The following IQCM variants were observed in gnomAD, a reference collection of about 807,000 sequenced individuals.
The protein encoded by IQCM is IQ motif containing M, also known as IQ domain-containing protein M.
A neutral mutation model predicts 57.6 loss-of-function variants in IQCM; 45 were observed. That is an observed-to-expected ratio of 0.78 (90% CI 0.62 to 1.00). IQCM has a LOEUF of 1.00. Among genes scored for constraint, IQCM ranks in the 50% least tolerant of loss-of-function variants. The pLI is 0.00. For missense variants in IQCM, 468 were observed against 511.6 expected, an observed-to-expected ratio of 0.91 and a Z score of 0.82; for synonymous variants, 148 against 158.9, an observed-to-expected ratio of 0.93 and a Z score of 0.51.
At position 149,786,311 on chromosome 4, in the gene IQCM, C is replaced by A. The variant is rs76155058; in HGVS notation, c.-49+29000G>T. The stretch of plus-strand genomic sequence containing the variant: ...AGGAGACCTGGTAATCTGGAGAGAT[C>A]AGGAAGCAGAATATCAGAGTGGAGA... On this transcript the variant is annotated intron_variant, in intron 2 of 13. Coordinates refer to ENST00000636793, the MANE Select transcript of IQCM (RefSeq NM_001363507.2). Among the ~76,000 whole-genome samples, 1,097 of 152,176 alleles carry A rather than the reference C, an allele frequency of 7.2e-3. 9 individuals are homozygous for A. The highest frequency in any genetic ancestry group is 0.025 in the African/African-American group (1,030 of 41,528).
chr4:149,416,072 G>A (rs1476829880), intron 13 of IQCM, among the ~76,000 whole-genome samples: 1 of 152,028 alleles, frequency 6.6e-6, no homozygotes, highest in Non-Finnish European at 1.5e-5. Flanking sequence ...CCTGTTAGTA[G>A]AGTTAATTTA....
At chr4:149,517,946 C>A (rs1389801951) in intron 12 of IQCM, among the ~76,000 whole-genome samples, 1 of 152,144 alleles carries the variant, frequency 6.6e-6, no homozygotes, top group East Asian at 1.9e-4. Context: ...ACTTAATAAA[C>A]TCCACTTTAT....
At chr4:149,602,979 T>C (rs1476039213) in intron 8 of IQCM, among the ~76,000 whole-genome samples, 1 of 152,062 alleles carries the variant, frequency 6.6e-6, no homozygotes, top group Non-Finnish European at 1.5e-5. Context: ...TGCAAGGAAT[T>C]TATTGTAAAA....
At chr4:149,768,535 T>C (rs946353525) in intron 2 of IQCM, among the ~76,000 whole-genome samples, 3 of 152,120 alleles carry the variant, frequency 2.0e-5, no homozygotes, top group Admixed American at 2.0e-4. Flanking sequence ...AAAGTTAAAA[T>C]AAAATCTTAC....
intron 12 of IQCM, among the ~76,000 whole-genome samples, chr4:149,534,132 T>C: frequency 6.6e-6 from 1 of 152,142 alleles, no homozygotes; most frequent in East Asian, 1.9e-4. Flanking sequence ...TTAACTTTCT[T>C]AGAATCAACT....
At chr4:149,655,313 T>A (rs960808450) in intron 7 of IQCM, among the ~76,000 whole-genome samples, 1 of 152,100 alleles carries the variant, frequency 6.6e-6, no homozygotes, top group South Asian at 2.1e-4. Context: ...ATTTCAGACA[T>A]AAAAATTCTT....
At chr4:149,454,239 CAT>C (rs981735760) in intron 12 of IQCM, among the ~76,000 whole-genome samples, 11 of 148,542 alleles carry the variant, frequency 7.4e-5, no homozygotes, top group African/African-American at 2.7e-4. Flanking sequence ...GGTGTATATA[CAT>C]ATATATATAT....
intron 2 of IQCM, among the ~76,000 whole-genome samples, chr4:149,777,363 T>C (rs913708128): frequency 2.0e-5 from 3 of 152,234 alleles, no homozygotes; most frequent in African/African-American, 7.2e-5. Flanking sequence ...TATGTGTTTT[T>C]AGAACACCGT....
intron 9 of IQCM, among the ~76,000 whole-genome samples, chr4:149,580,633 G>T (rs1752093265): frequency 6.6e-6 from 1 of 151,778 alleles, no homozygotes; most frequent in African/African-American, 2.4e-5. Flanking sequence ...TAGGCTGATT[G>T]GGTGGTCTTG....
intron 2 of IQCM, chr4:149,780,338 T>C (rs971724200): frequency 2.6e-5 from 4 of 151,966 alleles, no homozygotes; most frequent in Non-Finnish European, 5.9e-5. Context: ...AAAACAAAAG[T>C]TCACAGTAGG....
intron 7 of IQCM, among the ~76,000 whole-genome samples, chr4:149,640,585 T>A (rs1182409154): frequency 6.6e-6 from 1 of 152,186 alleles, no homozygotes; most frequent in Non-Finnish European, 1.5e-5. Context: ...TTTAAAACTG[T>A]CTTCCTTCTG....
intron 2 of IQCM, among the ~76,000 whole-genome samples, chr4:149,785,186 A>T (rs1771965116): frequency 1.3e-5 from 2 of 152,222 alleles, no homozygotes; most frequent in South Asian, 4.1e-4. Context: ...ATACCTGTTC[A>T]TAGCAACTGC....
intron 8 of IQCM, among the ~76,000 whole-genome samples, chr4:149,611,016 A>G (rs1401302109): frequency 6.6e-6 from 1 of 152,142 alleles, no homozygotes; most frequent in Non-Finnish European, 1.5e-5. Context: ...ACTCAATAGG[A>G]AAAGATAAAT....
chr4:149,775,284 A>G (rs1770984123), intron 2 of IQCM, among the ~76,000 whole-genome samples: 1 of 152,096 alleles, frequency 6.6e-6, no homozygotes, highest in African/African-American at 2.4e-5. Flanking sequence ...GTCTCACAAT[A>G]TGACCCAGAA....
At chr4:149,466,953 A>C (rs1738918538) in intron 12 of IQCM, among the ~76,000 whole-genome samples, 1 of 152,170 alleles carries the variant, frequency 6.6e-6, no homozygotes, top group Non-Finnish European at 1.5e-5. Context: ...CACTAATCCC[A>C]TTCATGAAGC....
chr4:149,789,985 A>G, intron 2 of IQCM: 1 of 336,970 alleles, frequency 3.0e-6, no homozygotes, highest in Non-Finnish European at 5.8e-6. Flanking sequence ...AGAAGAGAAG[A>G]TACTCAGAAA....
intron 7 of IQCM, among the ~76,000 whole-genome samples, chr4:149,629,739 T>A (rs967979529): frequency 1.3e-5 from 2 of 151,858 alleles, no homozygotes; most frequent in South Asian, 4.2e-4. Context: ...TGGGCAAAAA[T>A]TATGTTAAAA....
chr4:149,605,323 A>G lies in IQCM; in HGVS notation c.681+15806T>C, dbSNP rs1450045440. Among the ~76,000 whole-genome samples the G allele has an allele frequency of 3.9e-5, 6 of 152,300 alleles. No individual in the cohort carries two copies. In the East Asian group the frequency reaches 7.7e-4, roughly 20 times the overall value. ...AAAAATACACATTTAAAATTATACT[A>G]CTTATTTACCTATACCTCCACATTT... On this transcript the variant is annotated intron_variant, in intron 8 of 13. Transcript: ENST00000636793.
In IQCM at chr4:149,433,528, T is replaced by C; in HGVS notation, c.1258A>G (p.Lys420Glu). 1.7e-6 allele frequency: 2 copies of C among 1,185,012 alleles called. No homozygotes were observed. Among genetic ancestry groups the C allele is most frequent in the Non-Finnish European group, 2.1e-6 (2 of 945,496 alleles). The allele number at this position is 1,185,012 out of a possible 1,614,324, so 73.4% of individuals were successfully genotyped here. A position where few individuals can be genotyped will look rare whatever the true frequency, so the allele number is the denominator to read the frequency against. The change falls in exon 13 of 14, where the codon AAA becomes GAA. Residue 420 changes from lysine to glutamate, a missense_variant. Coordinates refer to ENST00000636793, the MANE Select transcript of IQCM (RefSeq NM_001363507.2). ...AACATTTCAATTGCTTTGGACTTTT[T>C]GATTAGTTCAGAATATTTTTCTTTG... ...DGKEKYSELI[K>E]KSKAIEMLFT...
Sources: allele counts gnomAD v4.1 joint callset (sites outside exome capture counted in the v4.1 genomes callset), GRCh38; gene constraint gnomAD v4.1.1; transcripts MANE v1.5; gene names NCBI Gene and HGNC (gene_info 2026-07-23, HGNC 2026-07-21).